The following FRMD4A variants were observed in gnomAD, a reference collection of about 807,000 sequenced individuals.
FRMD4A encodes the protein FERM domain containing 4A, also known as FERM domain-containing protein 4A.
FRMD4A carries 29 observed loss-of-function variants against 129.1 expected under a neutral mutation model. The observed-to-expected ratio is 0.22, with a 90% CI of 0.17 to 0.31. FRMD4A has a LOEUF of 0.31. FRMD4A is among the 10% of genes least tolerant of loss of function. The pLI, the probability that FRMD4A is intolerant of heterozygous loss-of-function variation, is 1.00. For synonymous variants in FRMD4A, 634 were observed against 571.6 expected (o/e 1.11, Z -1.56); for missense variants, 1,272 against 1,375.8 (o/e 0.92, Z 1.19).
At chr10:14,318,299 G>A (rs1846824619) in intron 2 of FRMD4A, among the ~76,000 whole-genome samples, 1 of 149,918 alleles carries the variant, frequency 6.7e-6, no homozygotes. Context: ...AAGCATTGCA[G>A]TCCTGATACC....
intron 12 of FRMD4A, among the ~76,000 whole-genome samples, chr10:13,734,009 T>C (rs75144782): frequency 0.012 from 1,879 of 152,300 alleles, 68 homozygotes; most frequent in South Asian, 0.11. Context: ...GGCACCTGGA[T>C]GTCCCATCAA....
intron 2 of FRMD4A, among the ~76,000 whole-genome samples, chr10:14,273,059 T>TACAC (rs59318900): frequency 0.13 from 19,025 of 143,872 alleles, 1,305 homozygotes; most frequent in African/African-American, 0.2. Context: ...TTACCAGAAA[T>TACAC]ACACACACAC....
intron 2 of FRMD4A, among the ~76,000 whole-genome samples, chr10:14,126,459 G>A (rs535613336): frequency 1.3e-5 from 2 of 151,882 alleles, no homozygotes; most frequent in African/African-American, 2.4e-5. Context: ...GTGAGCCACC[G>A]TGCCCGGCCT....
At chr10:13,690,145 G>A (rs1404896142) in intron 15 of FRMD4A, among the ~76,000 whole-genome samples, 1 of 152,156 alleles carries the variant, frequency 6.6e-6, no homozygotes, top group African/African-American at 2.4e-5. Flanking sequence ...TCCGGCAAGT[G>A]TAATAAGAGT....
At chr10:13,762,728 C>A in intron 6 of FRMD4A, 48 bp from the exon 7 acceptor site, 4 of 1,222,608 alleles carry the variant, frequency 3.3e-6, no homozygotes, top group South Asian at 1.2e-5. Flanking sequence ...ATTTAACCAC[C>A]ATTTTTTTCT....
intron 2 of FRMD4A, among the ~76,000 whole-genome samples, chr10:14,112,907 T>A (rs1224654790): frequency 6.6e-6 from 1 of 152,170 alleles, no homozygotes; most frequent in African/African-American, 2.4e-5. Context: ...GTGTAATTAT[T>A]ACAATTACAG....
intron 2 of FRMD4A, among the ~76,000 whole-genome samples, chr10:14,232,193 T>G (rs797020382): frequency 3.9e-5 from 6 of 152,334 alleles, no homozygotes; most frequent in African/African-American, 1.4e-4. Context: ...GGGAATCCTT[T>G]TCCCATTTTT....
intron 9 of FRMD4A, among the ~76,000 whole-genome samples, chr10:13,747,344 C>T (rs1011114752): frequency 1.3e-5 from 2 of 151,720 alleles, no homozygotes; most frequent in Non-Finnish European, 2.9e-5. Flanking sequence ...TGAGACCAGC[C>T]TGGCCAACAT....
intron 2 of FRMD4A, among the ~76,000 whole-genome samples, chr10:14,043,984 G>A (rs542658388): frequency 3.3e-5 from 5 of 152,272 alleles, no homozygotes; most frequent in African/African-American, 1.2e-4. Flanking sequence ...ATGCCACCAT[G>A]CCTGGCTATT....
intron 2 of FRMD4A, among the ~76,000 whole-genome samples, chr10:14,282,075 C>A (rs192168976): frequency 6.6e-6 from 1 of 152,234 alleles, no homozygotes; most frequent in African/African-American, 2.4e-5. Context: ...GAGAACCAAG[C>A]AAAAGGGGTT....
intron 2 of FRMD4A, among the ~76,000 whole-genome samples, chr10:14,303,041 A>G (rs924855857): frequency 2.6e-5 from 4 of 152,214 alleles, no homozygotes; most frequent in African/African-American, 7.2e-5. Flanking sequence ...TCAATGCAAG[A>G]TGCCAAAACT....
At chr10:13,875,358 T>C (rs925406628) in intron 2 of FRMD4A, among the ~76,000 whole-genome samples, 2 of 152,134 alleles carry the variant, frequency 1.3e-5, no homozygotes, top group Non-Finnish European at 2.9e-5. Flanking sequence ...CTTGGAAAAC[T>C]GCAAAGTGAT....
chr10:14,051,463 G>A (rs948518454), intron 2 of FRMD4A, among the ~76,000 whole-genome samples: 5 of 152,208 alleles, frequency 3.3e-5, no homozygotes, highest in African/African-American at 7.2e-5. Flanking sequence ...CAAGGACGCC[G>A]GGGTGAGCGC....
intron 8 of FRMD4A, among the ~76,000 whole-genome samples, chr10:13,759,819 A>T (rs2091999385): frequency 6.6e-6 from 1 of 152,160 alleles, no homozygotes; most frequent in African/African-American, 2.4e-5. Context: ...TTATCTATTT[A>T]AAAATTTGAC....
At chr10:13,983,989 G>T (rs969913203) in intron 2 of FRMD4A, among the ~76,000 whole-genome samples, 10 of 151,710 alleles carry the variant, frequency 6.6e-5, no homozygotes, top group African/African-American at 2.4e-4. Flanking sequence ...GGTGGCAGAA[G>T]GAGACTCTGT....
intron 2 of FRMD4A, among the ~76,000 whole-genome samples, chr10:14,230,701 G>T (rs1181619038): frequency 6.6e-6 from 1 of 152,108 alleles, no homozygotes; most frequent in Non-Finnish European, 1.5e-5. Flanking sequence ...CATGTTGTTT[G>T]GGTTTGGAGT....
rs1589161520 is a variant in FRMD4A, at chr10:13,645,025, C to G, written c.*2013G>C. 1 of 152,168 alleles carries G rather than the reference C, an allele frequency of 6.6e-6. No homozygotes were observed. The highest frequency in any genetic ancestry group is 2.4e-5 in the African/African-American group (1 of 41,432). 9.4% of individuals were successfully genotyped at this position (152,168 alleles called of 1,614,324 possible). On this transcript the variant is annotated 3_prime_UTR_variant, in exon 25 of 25. Transcript: ENST00000357447. ...GCAGGCCCTGAATTGTCTAGAGAGACTTGGTGGAGGAGGCCACGGCCCGCC... is the reference window on the plus strand; with the variant it reads ...GCAGGCCCTGAATTGTCTAGAGAGAGTTGGTGGAGGAGGCCACGGCCCGCC...
intron 2 of FRMD4A, among the ~76,000 whole-genome samples, chr10:14,280,875 C>T (rs1038706751): frequency 6.6e-6 from 1 of 152,170 alleles, no homozygotes; most frequent in South Asian, 2.1e-4. Context: ...TACATTGAAG[C>T]CCCAGCCCCT....
intron 2 of FRMD4A, among the ~76,000 whole-genome samples, chr10:13,942,797 G>T (rs1444100866): frequency 6.6e-6 from 1 of 152,126 alleles, no homozygotes; most frequent in Non-Finnish European, 1.5e-5. Flanking sequence ...GCTGGGCGTG[G>T]TGGCGCGCGT....
Sources: allele counts gnomAD v4.1 joint callset (sites outside exome capture counted in the v4.1 genomes callset), GRCh38; gene constraint gnomAD v4.1.1; transcripts MANE v1.5; gene names NCBI Gene and HGNC (gene_info 2026-07-23, HGNC 2026-07-21).